PACS2: variants seen among roughly 807,000 people sequenced by gnomAD.
PACS2 encodes phosphofurin acidic cluster sorting protein 2.
In PACS2, 36 loss-of-function variants were observed where a neutral mutation model predicts 113.0. The ratio of observed to expected loss-of-function variants is 0.32; its 90% CI spans 0.24 to 0.42. The LOEUF (loss-of-function observed/expected upper bound fraction) is 0.42. PACS2 is among the 10% of genes least tolerant of loss of function. The pLI is 1.00. For missense variants in PACS2, 1,015 were observed against 1,239.5 expected (o/e 0.82, Z 2.72); for synonymous variants, 589 against 536.1 (o/e 1.10, Z -1.36).
chr14:105,367,181 C>T, intron 4 of PACS2, 32 bp from the exon 5 acceptor site: 1 of 1,600,698 alleles, frequency 6.2e-7, no homozygotes, highest in Non-Finnish European at 8.5e-7. Flanking sequence ...TCCCGTCGTG[C>T]TGCTTTCTAG....
Position 105,340,036 on chromosome 14 carries a change from C to G in PACS2, c.120-8457C>G, listed in dbSNP as rs1198686244. 1.3e-5 allele frequency among the ~76,000 whole-genome samples: 2 copies of G among 152,254 alleles called. No individual in the cohort carries two copies. The highest frequency in any genetic ancestry group is 4.8e-5 in the African/African-American group (2 of 41,470). On this transcript the variant is annotated intron_variant, in intron 1 of 24. Transcript: ENST00000447393. The surrounding 1 kb of genome is among the most constrained non-coding windows in gnomAD (Gnocchi z 4.2). Reference sequence around the variant, plus strand: ...TCAGGTGATCCACCTGCCTTGGCCTCCCAAAGGGCTGCGATTCCAAGTGTG... The same window carrying G: ...TCAGGTGATCCACCTGCCTTGGCCTGCCAAAGGGCTGCGATTCCAAGTGTG...
intron 1 of PACS2, among the ~76,000 whole-genome samples, chr14:105,335,172 A>G (rs1053072488): frequency 1.3e-5 from 2 of 152,216 alleles, no homozygotes; most frequent in Non-Finnish European, 2.9e-5. Context: ...GGTGGAGCCC[A>G]GCACTGAGGG....
At position 105,355,278 on chromosome 14, in the gene PACS2, C is replaced by T. The variant is rs941994870; in HGVS notation, c.423+101C>T. On this transcript the variant is annotated intron_variant, in intron 4 of 24. Coordinates refer to ENST00000447393, the MANE Select transcript of PACS2 (RefSeq NM_001100913.3). The surrounding 1 kb of genome is among the most constrained non-coding windows in gnomAD (Gnocchi z 4.1). ...GATGTCTCTCCCGGGTCCAGATGTC[C>T]AGGGATCAGGTGAAAATGATGAGAG... The T allele has an allele frequency of 7.3e-7, 1 of 1,362,212 alleles. No individual in the cohort carries two copies. 84.4% of individuals were successfully genotyped at this position (1,362,212 alleles called of 1,614,324 possible). A position where few individuals can be genotyped will look rare whatever the true frequency, so the allele number is the denominator to read the frequency against.
intron 22 of PACS2, 131 bp downstream of exon 22, chr14:105,391,897 C>A: frequency 1.1e-6 from 1 of 938,768 alleles, no homozygotes; most frequent in Non-Finnish European, 1.5e-6. Context: ...GGCGGAGGGG[C>A]TCTGCAGGAC....
intron 8 of PACS2, among the ~76,000 whole-genome samples, chr14:105,374,284 A>G (rs1177527515): frequency 6.6e-6 from 1 of 152,224 alleles, no homozygotes; most frequent in Non-Finnish European, 1.5e-5. Context: ...ATGTGACATC[A>G]AAAGCATAAG....
rs1566903302 is a variant in PACS2, at chr14:105,324,555, C to T, written c.119+9518C>T. On this transcript the variant is annotated intron_variant, in intron 1 of 24. Transcript: ENST00000447393. This position sits in a 1 kb window ranked among gnomAD's most constrained non-coding sequence, Gnocchi z 4.7. ...AGGCAGCCCTAAAAATAGCCGAGCG[C>T]TGAGAGGCCGTCCCTTTCTGCTCCG... is the stretch of plus-strand genomic sequence containing the variant. 6.6e-6 allele frequency among the ~76,000 whole-genome samples: 1 copy of T among 152,204 alleles called. No individual in the cohort carries two copies. Among genetic ancestry groups the T allele is most frequent in the Non-Finnish European group, 1.5e-5 (1 of 68,026 alleles).
chr14:105,321,144 T>A (rs1177275901), intron 1 of PACS2, among the ~76,000 whole-genome samples: 2 of 152,192 alleles, frequency 1.3e-5, no homozygotes, highest in African/African-American at 4.8e-5. Flanking sequence ...GAACCTGCTT[T>A]CTGGGTCAGT....
chr14:105,350,241 G>T (rs587635666), intron 2 of PACS2, among the ~76,000 whole-genome samples: 1 of 152,148 alleles, frequency 6.6e-6, no homozygotes, highest in Admixed American at 6.5e-5. Context: ...TCTTGGCTTG[G>T]GGGGCAGGGG....
chr14:105,318,611 G>A (rs1170966565), intron 1 of PACS2, among the ~76,000 whole-genome samples: 2 of 150,724 alleles, frequency 1.3e-5, no homozygotes, highest in Admixed American at 6.6e-5. Flanking sequence ...CAGCATGCCC[G>A]GCTAATTTTT....
upstream of PACS2, among the ~76,000 whole-genome samples, chr14:105,310,399 A>T (rs1182828464): frequency 6.6e-6 from 1 of 151,896 alleles, no homozygotes; most frequent in Non-Finnish European, 1.5e-5. Flanking sequence ...GCGTGGTGGC[A>T]GGCGCCTGTA....
intron 1 of PACS2, among the ~76,000 whole-genome samples, chr14:105,325,695 C>T (rs1008265347): frequency 6.6e-6 from 1 of 152,232 alleles, no homozygotes; most frequent in Non-Finnish European, 1.5e-5. Flanking sequence ...GTGGGGGTGA[C>T]CAGCACTGTC....
chr14:105,318,316 T>C (rs1159296842), intron 1 of PACS2, among the ~76,000 whole-genome samples: 1 of 152,186 alleles, frequency 6.6e-6, no homozygotes. Flanking sequence ...AGCCTCACTT[T>C]GTGGCCCAGA....
chr14:105,353,212 T>C (rs1205708843), intron 3 of PACS2, among the ~76,000 whole-genome samples: 1 of 71,716 alleles, frequency 1.4e-5, no homozygotes, highest in African/African-American at 5.6e-5. Flanking sequence ...TCCCCTGGGG[T>C]GATGGGCACC....
At chr14:105,391,928 C>T (rs1480707380) in intron 22 of PACS2, 162 bp downstream of exon 22, 5 of 645,246 alleles carry the variant, frequency 7.7e-6, no homozygotes, top group East Asian at 3.0e-5. Context: ...TCTCTGGCCA[C>T]CTCCTGCCAC....
intron 1 of PACS2, among the ~76,000 whole-genome samples, chr14:105,304,655 T>A (rs2058129332): frequency 6.6e-6 from 1 of 152,216 alleles, no homozygotes; most frequent in Non-Finnish European, 1.5e-5. Flanking sequence ...ACACTGCTGA[T>A]AAAGACATAC....
intron 9 of PACS2, among the ~76,000 whole-genome samples, chr14:105,377,250 T>C (rs868979386): frequency 6.6e-6 from 1 of 152,028 alleles, no homozygotes; most frequent in African/African-American, 2.4e-5. Context: ...CTCTGGGGGA[T>C]GCCCTGGGAA....
At chr14:105,319,659 TTTTC>T (rs1276754634) in intron 1 of PACS2, among the ~76,000 whole-genome samples, 2 of 152,194 alleles carry the variant, frequency 1.3e-5, no homozygotes, top group Non-Finnish European at 2.9e-5. Flanking sequence ...ATCCTCATAC[TTTTC>T]TTTCTTTCTC....
intron 8 of PACS2, 126 bp downstream of exon 8, chr14:105,370,026 C>A: frequency 1.3e-6 from 1 of 796,938 alleles, no homozygotes; most frequent in Non-Finnish European, 2.0e-6. Context: ...ACGGCCCCGC[C>A]AGCATCGCAC....
At chr14:105,327,020 G>C (rs976291990) in intron 1 of PACS2, among the ~76,000 whole-genome samples, 8 of 152,322 alleles carry the variant, frequency 5.3e-5, no homozygotes, top group Middle Eastern at 3.4e-3. Flanking sequence ...CGCACTCTTG[G>C]CTCGCCTGGC....
Sources: allele counts gnomAD v4.1 joint callset (sites outside exome capture counted in the v4.1 genomes callset), GRCh38; gene constraint gnomAD v4.1.1; non-coding constraint Gnocchi (gnomAD v3.1); transcripts MANE v1.5; gene names NCBI Gene and HGNC (gene_info 2026-07-23, HGNC 2026-07-21).